Variants in DIP2B observed in about 807,000 individuals in gnomAD.
DIP2B encodes disco-interacting protein 2 homolog B.
DIP2B carries 76 observed loss-of-function variants against 198.0 expected under a neutral mutation model. The ratio of observed to expected loss-of-function variants is 0.38; its 90% CI spans 0.32 to 0.46. The LOEUF (loss-of-function observed/expected upper bound fraction) is 0.46. DIP2B is among the 20% of genes least tolerant of loss of function. The pLI is 0.99. For missense variants in DIP2B, 1,559 were observed against 1,978.4 expected (o/e 0.79, Z 4.02); for synonymous variants, 701 against 739.1 (o/e 0.95, Z 0.84).
At chr12:50,626,485 C>T (rs1390035935) in intron 2 of DIP2B, among the ~76,000 whole-genome samples, 2 of 152,160 alleles carry the variant, frequency 1.3e-5, no homozygotes, top group Non-Finnish European at 2.9e-5. Flanking sequence ...TAATTCAAAG[C>T]CAGACTTACT....
chr12:50,709,637 CA>C (rs60753279), intron 22 of DIP2B, among the ~76,000 whole-genome samples: 38,160 of 127,878 alleles, frequency 0.3, 5,381 homozygotes, highest in Non-Finnish European at 0.37. Context: ...GACTCTGTCT[CA>C]AAAAAAAAAA....
intron 1 of DIP2B, among the ~76,000 whole-genome samples, chr12:50,547,866 C>G (rs1023430353): frequency 1.3e-5 from 2 of 151,896 alleles, no homozygotes; most frequent in Non-Finnish European, 2.9e-5. Context: ...GACAGGAGTT[C>G]GAGACCAACT....
At chr12:50,584,163 A>AT (rs1958749015) in intron 1 of DIP2B, among the ~76,000 whole-genome samples, 1 of 152,190 alleles carries the variant, frequency 6.6e-6, no homozygotes, top group African/African-American at 2.4e-5. Flanking sequence ...TTCTAAATCT[A>AT]TATCCACAGC....
chr12:50,648,995 C>G (rs139116833), intron 3 of DIP2B, among the ~76,000 whole-genome samples: 1 of 152,010 alleles, frequency 6.6e-6, no homozygotes, highest in Non-Finnish European at 1.5e-5. Context: ...AATAGTAGAG[C>G]AAACTTCATT....
rs544099013 is a variant in DIP2B at position 50,702,367 on chromosome 12, C to A, written c.2326-1773C>A. Reference sequence around the variant, plus strand: ...TCTCAAAAAAAAAAGAGTTCAAGACCAGCCTGGCCAACATGGTGAAACCTT... The same window carrying A: ...TCTCAAAAAAAAAAGAGTTCAAGACAAGCCTGGCCAACATGGTGAAACCTT... On this transcript the variant is annotated intron_variant, in intron 19 of 37. Coordinates refer to ENST00000301180, the MANE Select transcript of DIP2B (RefSeq NM_173602.3). Among the ~76,000 whole-genome samples, 22 of 150,800 alleles carry A rather than the reference C, an allele frequency of 1.5e-4. 1 individual carries two copies. Among genetic ancestry groups the A allele is most frequent in the African/African-American group, 4.9e-4 (20 of 41,006 alleles).
intron 2 of DIP2B, 31 bp downstream of exon 2, chr12:50,626,078 C>G (rs1485553163): frequency 1.9e-6 from 3 of 1,606,094 alleles, no homozygotes; most frequent in Non-Finnish European, 2.6e-6. Flanking sequence ...TCAACTTTTT[C>G]AGTATTTTTA....
At chr12:50,646,475 G>T (rs1298252996) in intron 3 of DIP2B, among the ~76,000 whole-genome samples, 3 of 151,962 alleles carry the variant, frequency 2.0e-5, no homozygotes, top group Non-Finnish European at 4.4e-5. Context: ...AGGCTGGAAT[G>T]CAGTGGTGCT....
At position 50,613,315 on chromosome 12, in the gene DIP2B, G is replaced by A. The variant is rs79528146; in HGVS notation, c.101-12661G>A. Among the ~76,000 whole-genome samples, 1,730 of 152,296 alleles carry A rather than the reference G, an allele frequency of 0.011. 55 individuals carry two copies. The East Asian group carries it at 0.13, about 12-fold the overall frequency. ...ATGTATGTGATTGCTTAGATGAATG[G>A]TACCTAGAACGAAATAGGCAGTGAA... On this transcript the variant is annotated intron_variant, in intron 1 of 37. Transcript: ENST00000301180.
At chr12:50,513,711 T>C (rs1958038445) in intron 1 of DIP2B, among the ~76,000 whole-genome samples, 1 of 151,918 alleles carries the variant, frequency 6.6e-6, no homozygotes, top group South Asian at 2.1e-4. Flanking sequence ...CCGTCTCTAC[T>C]AAAAATACAC....
intron 4 of DIP2B, among the ~76,000 whole-genome samples, chr12:50,664,367 A>G (rs1272543019): frequency 6.6e-6 from 1 of 152,196 alleles, no homozygotes; most frequent in African/African-American, 2.4e-5. Context: ...ACTAATTTCT[A>G]TCTTGTGAAT....
chr12:50,714,868 G>A (rs1054638008), intron 23 of DIP2B, among the ~76,000 whole-genome samples: 13 of 152,174 alleles, frequency 8.5e-5, no homozygotes, highest in Non-Finnish European at 1.5e-4. Flanking sequence ...TTGAGCCTGG[G>A]AGGTTGCAGT....
chr12:50,702,734 T>TAA (rs35373628), intron 19 of DIP2B, among the ~76,000 whole-genome samples: 9,045 of 40,682 alleles, frequency 0.22, 1,490 homozygotes, highest in East Asian at 0.39. Flanking sequence ...CCTCATCTCT[T>TAA]AAAAAAAAAA....
In DIP2B at chr12:50,637,639, G is replaced by A. The variant is rs1046758954; in HGVS notation, c.173-3085G>A. Among the ~76,000 whole-genome samples the A allele has an allele frequency of 3.9e-5, 6 of 152,112 alleles. No homozygotes were observed. In the South Asian group the frequency reaches 6.2e-4, roughly 16 times the overall value. On this transcript the variant is annotated intron_variant, in intron 2 of 37. Coordinates refer to ENST00000301180, the MANE Select transcript of DIP2B (RefSeq NM_173602.3). ...TACATATGGTGACCACTTGTTTAAT[G>A]TGTTTCTTCTCTGGACACTAGCACC... is the stretch of plus-strand genomic sequence containing the variant.
At chr12:50,582,989 T>C (rs1333188294) in intron 1 of DIP2B, among the ~76,000 whole-genome samples, 1 of 152,198 alleles carries the variant, frequency 6.6e-6, no homozygotes, top group African/African-American at 2.4e-5. Context: ...ACAAAGATGA[T>C]GTTACAAATC....
chr12:50,728,132 G>A (rs1939969647), intron 29 of DIP2B, among the ~76,000 whole-genome samples: 1 of 152,188 alleles, frequency 6.6e-6, no homozygotes, highest in Non-Finnish European at 1.5e-5. Flanking sequence ...TGTTATCCCA[G>A]CTCCTTGGGA....
intron 1 of DIP2B, among the ~76,000 whole-genome samples, chr12:50,549,669 A>T (rs1483449854): frequency 7.1e-6 from 1 of 140,834 alleles, no homozygotes; most frequent in South Asian, 2.5e-4. Flanking sequence ...ACTGCACTCC[A>T]GCCTGGTGAA....
chr12:50,633,332 C>T (rs1040559661), intron 2 of DIP2B: 1 of 152,124 alleles, frequency 6.6e-6, no homozygotes, highest in African/African-American at 2.4e-5. Flanking sequence ...AGTATGGCCC[C>T]TGTGCAATGA....
intron 12 of DIP2B, among the ~76,000 whole-genome samples, chr12:50,687,725 C>T (rs1939155791): frequency 6.6e-6 from 1 of 151,918 alleles, no homozygotes; most frequent in Non-Finnish European, 1.5e-5. Flanking sequence ...CACACCGGGG[C>T]CTGTTGAGGG....
At chr12:50,558,970 T>C (rs1181908493) in intron 1 of DIP2B, among the ~76,000 whole-genome samples, 1 of 152,208 alleles carries the variant, frequency 6.6e-6, no homozygotes, top group Non-Finnish European at 1.5e-5. Context: ...AGCAGAAGAC[T>C]GGAGATTTAT....
Sources: allele counts gnomAD v4.1 joint callset (sites outside exome capture counted in the v4.1 genomes callset), GRCh38; gene constraint gnomAD v4.1.1; transcripts MANE v1.5; gene names NCBI Gene and HGNC (gene_info 2026-07-23, HGNC 2026-07-21).